Variants in ABCA13 observed in about 807,000 individuals in gnomAD.
The protein encoded by ABCA13 is ATP binding cassette subfamily A member 13, also known as ATP-binding cassette sub-family A member 13.
A neutral mutation model predicts 478.7 loss-of-function variants in ABCA13; 476 were observed. That is an observed-to-expected ratio of 0.99 (90% CI 0.92 to 1.07). The LOEUF is 1.07. ABCA13 is among the 50% of genes least tolerant of loss of function. ABCA13 has a pLI of 0.00. For missense variants in ABCA13, 6,060 were observed against 5,910.6 expected (o/e 1.03, Z -0.83); for synonymous variants, 2,252 against 2,158.9 (o/e 1.04, Z -1.20).
chr7:48,534,730 G>T (rs1018180400), intron 55 of ABCA13, among the ~76,000 whole-genome samples: 3 of 152,098 alleles, frequency 2.0e-5, no homozygotes, highest in African/African-American at 7.2e-5. Context: ...TGTCTTTGAT[G>T]AATTGGGTTA....
At chr7:48,461,240 C>T (rs1826208383) in intron 43 of ABCA13, among the ~76,000 whole-genome samples, 2 of 152,172 alleles carry the variant, frequency 1.3e-5, no homozygotes, top group Non-Finnish European at 2.9e-5. Flanking sequence ...GGCAGAATAA[C>T]ATACAAAGTG....
At chr7:48,451,264 G>T (rs1487722967) in intron 42 of ABCA13, among the ~76,000 whole-genome samples, 1 of 152,072 alleles carries the variant, frequency 6.6e-6, no homozygotes, top group Non-Finnish European at 1.5e-5. Flanking sequence ...CTCCCAAAGT[G>T]CTGGGATTAT....
chr7:48,265,440 T>G (rs913884463), intron 15 of ABCA13, among the ~76,000 whole-genome samples: 2 of 151,554 alleles, frequency 1.3e-5, no homozygotes, highest in Non-Finnish European at 3.0e-5. Flanking sequence ...TTATTTTGTC[T>G]TCTTTGTTTT....
At chr7:48,267,655 T>TA (rs1398931858) in intron 15 of ABCA13, among the ~76,000 whole-genome samples, 2 of 152,192 alleles carry the variant, frequency 1.3e-5, no homozygotes, top group Non-Finnish European at 2.9e-5. Flanking sequence ...ATCATACCTT[T>TA]AAAAGCAAAA....
chr7:48,623,786 T>C (rs570034478), intron 59 of ABCA13, among the ~76,000 whole-genome samples: 1 of 152,264 alleles, frequency 6.6e-6, no homozygotes, highest in East Asian at 1.9e-4. Context: ...TACAAAGAAG[T>C]CTAAGAAATG....
rs904739811 is a variant in ABCA13 at position 48,279,358 on chromosome 7, A to G, written c.8164A>G (p.Lys2722Glu). Reference sequence around the variant, plus strand: ...TCATGAAGTGATCCCTTTTTTGGATAAAATATTATCACAAAACAGCACAGA... The same window carrying G: ...TCATGAAGTGATCCCTTTTTTGGATGAAATATTATCACAAAACAGCACAGA... ...IIHEVIPFLD[K>E]ILSQNSTEIG... is the part of the protein sequence containing the mutation. The change falls in exon 18 of 62, where the codon AAA (lysine) becomes GAA (glutamate). Residue 2722 changes from lysine to glutamate, a missense_variant. Lys to Glu is a moderately conservative substitution (Grantham distance 56). This residue lies in a region of ABCA13 where 4,423 missense variants were observed against 4,309.1 expected (regional missense o/e 1.03). Coordinates refer to ENST00000435803, the MANE Select transcript of ABCA13 (RefSeq NM_152701.5). 1 of 1,588,916 alleles carries G rather than the reference A, an allele frequency of 6.3e-7. No homozygotes were observed. Among genetic ancestry groups the G allele is most frequent in the Admixed American group, 1.8e-5 (1 of 56,246 alleles).
In ABCA13 at chr7:48,615,321, C is replaced by A. The variant is rs1792458375; in HGVS notation, c.14781C>A (p.Ala4927=). The A allele has an allele frequency of 6.3e-7, 1 of 1,582,514 alleles. No individual in the cohort carries two copies. Residue 4927 remains alanine (A), a synonymous_variant, in exon 59 of 62, where the codon GCC becomes GCA. Coordinates refer to ENST00000435803, the MANE Select transcript of ABCA13 (RefSeq NM_152701.5). ...GTGAGGCTCTTTGCACAAGACTGGC[C>A]ATAATGGTTAACGGCAGCTTCAAAT... ...EECEALCTRL[A]IMVNGSFKCL... is the part of the protein sequence containing the mutation.
At chr7:48,303,834 A>G (rs1206623615) in intron 23 of ABCA13, among the ~76,000 whole-genome samples, 1 of 152,138 alleles carries the variant, frequency 6.6e-6, no homozygotes, top group Non-Finnish European at 1.5e-5. Flanking sequence ...CCAAAAGATG[A>G]GAGTATCTTT....
chr7:48,462,539 C>T (rs1339805310), intron 43 of ABCA13, among the ~76,000 whole-genome samples: 1 of 151,540 alleles, frequency 6.6e-6, no homozygotes, highest in African/African-American at 2.4e-5. Context: ...TACAGGGTCT[C>T]ACTCTGTTGA....
In ABCA13 at chr7:48,500,600, T is replaced by G. The variant is rs553655552; in HGVS notation, c.13292-5736T>G. On this transcript the variant is annotated intron_variant, in intron 48 of 61. Transcript: ENST00000435803. ...TGCTTTCAACGAATGACTATGATTC[T>G]AAAAACATCTAATGTAGTGATTGAT... Among the ~76,000 whole-genome samples the G allele has an allele frequency of 6.6e-5, 10 of 152,326 alleles. No homozygotes were observed. In the East Asian group the frequency reaches 1.7e-3, roughly 26 times the overall value.
intron 42 of ABCA13, among the ~76,000 whole-genome samples, chr7:48,436,445 C>A (rs10480938): frequency 6.6e-6 from 1 of 151,158 alleles, no homozygotes; most frequent in African/African-American, 2.4e-5. Context: ...TTATCTATTC[C>A]GTTTATCTTT....
rs190545032 is a variant in ABCA13, at chr7:48,627,131, C to T, written c.14837+11754C>T. On this transcript the variant is annotated intron_variant, in intron 59 of 61. Transcript: ENST00000435803. The stretch of plus-strand genomic sequence containing the variant: ...GCATGGTCTTATTTAATCTTTATTA[C>T]GTAATGGCTATTATTGTACCCACTT... 2,235 of 813,314 alleles carry T rather than the reference C, an allele frequency of 2.7e-3. 1 individual carries two copies. Among genetic ancestry groups the T allele is most frequent in the Middle Eastern group, 3.8e-3 (6 of 1,564 alleles). The allele number at this position is 813,314 out of a possible 1,614,324, so 50.4% of individuals were successfully genotyped here.
intron 5 of ABCA13, among the ~76,000 whole-genome samples, chr7:48,226,196 A>G (rs936837380): frequency 3.9e-5 from 6 of 152,164 alleles, no homozygotes; most frequent in African/African-American, 1.4e-4. Flanking sequence ...GGTGGAAGAA[A>G]ATATCATTGG....
At chr7:48,447,574 A>T (rs1824457102) in intron 42 of ABCA13, among the ~76,000 whole-genome samples, 1 of 152,212 alleles carries the variant, frequency 6.6e-6, no homozygotes, top group Admixed American at 6.5e-5. Context: ...CCCACTAGGC[A>T]TGGCTGTCAA....
intron 27 of ABCA13, among the ~76,000 whole-genome samples, chr7:48,328,299 C>T (rs1478268385): frequency 6.6e-6 from 1 of 152,160 alleles, no homozygotes; most frequent in Non-Finnish European, 1.5e-5. Flanking sequence ...AGAACAAAAT[C>T]CATTGCAATC....
Position 48,387,890 on chromosome 7 carries a change from TTGG to T in ABCA13, c.11408_11410del (p.Val3803del). 6.2e-7 allele frequency: 1 copy of T among 1,613,206 alleles called. No homozygotes were observed. Among genetic ancestry groups the T allele is most frequent in the Non-Finnish European group, 8.5e-7 (1 of 1,179,568 alleles). ...CTCATATTGGAAGAGTGTGGGTTTCTTGGTGGAGAAAAGGCAATACTTTCTAAG... is the reference window on the plus strand; with the variant it reads ...CTCATATTGGAAGAGTGTGGGTTTCTTGGAGAAAAGGCAATACTTTCTAAG... On this transcript the variant is annotated inframe_deletion, in exon 36 of 62. Transcript: ENST00000435803.
chr7:48,222,078 G>A (rs1040175295), intron 5 of ABCA13, among the ~76,000 whole-genome samples: 2 of 152,118 alleles, frequency 1.3e-5, no homozygotes, highest in African/African-American at 4.8e-5. Context: ...AAAACCATTA[G>A]GAGAAAAGTA....
chr7:48,176,956 A>G (rs992324058), intron 1 of ABCA13, among the ~76,000 whole-genome samples: 2 of 152,104 alleles, frequency 1.3e-5, no homozygotes, highest in African/African-American at 2.4e-5. Context: ...AAATAATCTC[A>G]TTTCTTTGAG....
At chr7:48,244,942 A>G (rs773893059) in intron 11 of ABCA13, among the ~76,000 whole-genome samples, 13 of 152,184 alleles carry the variant, frequency 8.5e-5, no homozygotes, top group Non-Finnish European at 1.6e-4. Flanking sequence ...CCTTAAGCCC[A>G]TGCTGTGGCC....
Sources: gnomAD v4.1 joint callset for allele counts (sites outside exome capture counted in the v4.1 genomes callset) on GRCh38, gnomAD v4.1.1 for gene constraint, gnomAD v4.1.1 regional missense constraint, MANE v1.5 for transcripts, NCBI Gene and HGNC (gene_info 2026-07-23, HGNC 2026-07-21) for gene names.